The following REPS2 variants were observed in gnomAD, a reference collection of about 807,000 sequenced individuals.
The protein encoded by REPS2 is RALBP1 associated Eps domain containing 2.
A neutral mutation model predicts 53.6 loss-of-function variants in REPS2; 23 were observed. That is an observed-to-expected ratio of 0.43 (90% CI 0.31 to 0.61). The LOEUF is 0.61. Among genes scored for constraint, REPS2 ranks in the 20% least tolerant of loss-of-function variants. The pLI, the probability that REPS2 is intolerant of heterozygous loss-of-function variation, is 0.11. For synonymous variants in REPS2, 238 were observed against 218.6 expected, an observed-to-expected ratio of 1.09 and a Z score of -0.78; for missense variants, 446 against 534.9, an observed-to-expected ratio of 0.83 and a Z score of 1.64.
chrX:16,983,223 G>C (rs921875008), intron 1 of REPS2, among the ~76,000 whole-genome samples: 1 of 112,280 alleles, frequency 8.9e-6, no homozygotes, highest in Non-Finnish European at 1.9e-5. Context: ...ACAGCACACA[G>C]GGTGGTCTTT....
At chrX:17,119,124 A>T (rs1166942208) in intron 14 of REPS2, among the ~76,000 whole-genome samples, 1 of 112,122 alleles carries the variant, frequency 8.9e-6, no homozygotes, top group African/African-American at 3.2e-5. Flanking sequence ...AACATTGCAG[A>T]TAAGTAAACA....
chrX:17,000,046 C>CAAAA (rs61082179), intron 1 of REPS2, among the ~76,000 whole-genome samples: 3 of 27,071 alleles, frequency 1.1e-4, no homozygotes, highest in Non-Finnish European at 2.2e-4. Context: ...GACTCCGTCT[C>CAAAA]AAAAAAAAAA....
chrX:17,016,006 G>A (rs2061488082), intron 2 of REPS2, among the ~76,000 whole-genome samples: 1 of 111,690 alleles, frequency 9.0e-6, no homozygotes, highest in South Asian at 3.8e-4. Context: ...CACAATGATT[G>A]AACTAGTTTA....
intron 13 of REPS2, among the ~76,000 whole-genome samples, chrX:17,094,724 A>C (rs975063865): frequency 9.0e-6 from 1 of 111,313 alleles, no homozygotes; most frequent in African/African-American, 3.3e-5. Context: ...CCATTATTTC[A>C]TCTTAGCAAA....
chrX:17,181,080 A>C, the REPS2 span, among the ~76,000 whole-genome samples: 5 of 112,363 alleles, frequency 4.4e-5, no homozygotes, highest in Non-Finnish European at 9.4e-5. Context: ...CAGGCTGGAC[A>C]TAGTACCTGG....
At chrX:17,010,953 C>T (rs2083707280) in intron 2 of REPS2, among the ~76,000 whole-genome samples, 1 of 111,639 alleles carries the variant, frequency 9.0e-6, no homozygotes, top group East Asian at 2.8e-4. Flanking sequence ...ATCTGCAGTC[C>T]GGTCTGAGCA....
At chrX:17,112,355 G>A (rs1423290996) in intron 14 of REPS2, among the ~76,000 whole-genome samples, 2 of 111,716 alleles carry the variant, frequency 1.8e-5, no homozygotes, top group Non-Finnish European at 3.8e-5. Flanking sequence ...GAAATAGAAA[G>A]CTTGAACAAT....
intron 8 of REPS2, among the ~76,000 whole-genome samples, chrX:17,059,306 T>G (rs1459874862): frequency 1.9e-5 from 2 of 107,789 alleles, no homozygotes; most frequent in East Asian, 2.9e-4. Flanking sequence ...AGTGTTTTTT[T>G]TTTTTTTTTT....
intron 14 of REPS2, among the ~76,000 whole-genome samples, chrX:17,122,520 A>T (rs957724463): frequency 1.4e-4 from 16 of 112,186 alleles, no homozygotes; most frequent in African/African-American, 4.5e-4. Context: ...TGTTGAGTGG[A>T]TGAGTGTTTT....
chrX:17,138,920 G>A lies in REPS2; in HGVS notation c.1873G>A (p.Val625Met). 8.3e-7 allele frequency: 1 copy of A among 1,203,565 alleles called. No homozygotes were observed. Among genetic ancestry groups the A allele is most frequent in the Non-Finnish European group, 1.1e-6 (1 of 891,806 alleles). Residue 625 changes from valine to methionine, a missense_variant, in exon 17 of 18, where the codon GTG (valine) becomes ATG (methionine). Val to Met is a conservative substitution (Grantham distance 21). Coordinates refer to ENST00000357277, the MANE Select transcript of REPS2 (RefSeq NM_004726.3). ...AIRKNKEANA[V>M]LARLNSELQQ... ...CCGCAAAAATAAAGAGGCAAACGCA[G>A]TGCTGGCTCGGCTGAACAGTGAGCT...
At chrX:17,112,133 T>C (rs1169762647) in intron 14 of REPS2, among the ~76,000 whole-genome samples, 1 of 110,583 alleles carries the variant, frequency 9.0e-6, no homozygotes, top group African/African-American at 3.3e-5. Flanking sequence ...CTAATGTTTT[T>C]ATTTTTTGTA....
chrX:17,167,634 T>C, the REPS2 span, among the ~76,000 whole-genome samples: 3 of 106,684 alleles, frequency 2.8e-5, no homozygotes, highest in African/African-American at 1.0e-4. Context: ...TTTTATTTGT[T>C]TGTTTGTTTA....
the REPS2 span, among the ~76,000 whole-genome samples, chrX:17,171,175 G>A: frequency 4.4e-5 from 5 of 112,551 alleles, no homozygotes; most frequent in Admixed American, 4.7e-4. Context: ...CCCAAGGGCA[G>A]CTGTATCTTT....
chrX:17,015,183 C>G (rs1432354349), intron 2 of REPS2, among the ~76,000 whole-genome samples: 3 of 112,916 alleles, frequency 2.7e-5, no homozygotes, highest in African/African-American at 6.4e-5. Flanking sequence ...ATCGTAGCCA[C>G]TTGCCATGTG....
At chrX:17,056,377 C>T (rs1168760426) in intron 8 of REPS2, among the ~76,000 whole-genome samples, 3 of 112,144 alleles carry the variant, frequency 2.7e-5, no homozygotes, top group African/African-American at 9.7e-5. Context: ...TGGAATGGAA[C>T]TCTTATACCT....
the REPS2 span, among the ~76,000 whole-genome samples, chrX:17,162,761 C>T: frequency 1.6e-4 from 18 of 112,148 alleles, no homozygotes; most frequent in African/African-American, 4.2e-4. Flanking sequence ...AAGGAAATGA[C>T]GGTACAATTA....
chrX:16,998,582 A>T (rs375935343), intron 1 of REPS2, among the ~76,000 whole-genome samples: 5 of 111,978 alleles, frequency 4.5e-5, no homozygotes, highest in African/African-American at 1.6e-4. Flanking sequence ...CTTATGGCAG[A>T]CAACTGAATC....
At chrX:17,100,127 A>C (rs938361666) in intron 13 of REPS2, 1 of 816,984 alleles carries the variant, frequency 1.2e-6, no homozygotes, top group Non-Finnish European at 1.9e-6. Flanking sequence ...GCAGAAACTC[A>C]TGAGGTCAGG....
chrX:17,028,172 C>A (rs2061670069), intron 4 of REPS2, among the ~76,000 whole-genome samples: 1 of 111,574 alleles, frequency 9.0e-6, no homozygotes, highest in African/African-American at 3.3e-5. Flanking sequence ...CCATGTGTCT[C>A]CCCTGGAAGT....
Sources: gnomAD v4.1 joint callset for allele counts (sites outside exome capture counted in the v4.1 genomes callset) on GRCh38, gnomAD v4.1.1 for gene constraint, MANE v1.5 for transcripts, NCBI Gene and HGNC (gene_info 2026-07-23, HGNC 2026-07-21) for gene names.